The following WDR41 variants were observed in gnomAD, a reference collection of about 807,000 sequenced individuals.
WDR41 encodes WD repeat-containing protein 41.
In WDR41, 63 loss-of-function variants were observed where a neutral mutation model predicts 69.3. The observed-to-expected ratio is 0.91, with a 90% confidence interval of 0.74 to 1.12. WDR41 has a LOEUF of 1.12. WDR41 is among the 50% of genes most tolerant of loss of function. The probability of loss-of-function intolerance (pLI) is 0.00; values close to 1 mark genes in which losing one functional copy is unlikely to be tolerated. For missense variants in WDR41, 543 were observed against 534.5 expected (o/e 1.02, Z -0.16); for synonymous variants, 185 against 192.1 (o/e 0.96, Z 0.31).
chr5:77,613,703 C>A (rs1744613937), intron 1 of WDR41, among the ~76,000 whole-genome samples: 1 of 152,160 alleles, frequency 6.6e-6, no homozygotes, highest in African/African-American at 2.4e-5. Context: ...TAGAAGAAAA[C>A]CTAGGCATTA....
chr5:77,479,309 T>C (rs1801113502), intron 2 of WDR41, among the ~76,000 whole-genome samples: 1 of 151,836 alleles, frequency 6.6e-6, no homozygotes, highest in African/African-American at 2.4e-5. Flanking sequence ...CTTCACAGAA[T>C]TGGAAAAAAC....
intron 2 of WDR41, among the ~76,000 whole-genome samples, chr5:77,474,899 A>T: frequency 6.6e-6 from 1 of 152,104 alleles, no homozygotes; most frequent in Non-Finnish European, 1.5e-5. Flanking sequence ...TTTCCATCTG[A>T]GGTACCGGGT....
intron 1 of WDR41, among the ~76,000 whole-genome samples, chr5:77,617,747 G>T (rs938737174): frequency 2.6e-5 from 4 of 152,132 alleles, no homozygotes; most frequent in South Asian, 4.1e-4. Context: ...GGAGCAACAG[G>T]TTATAAATGG....
At chr5:77,460,826 A>G (rs1800020954) in intron 4 of WDR41, among the ~76,000 whole-genome samples, 1 of 152,178 alleles carries the variant, frequency 6.6e-6, no homozygotes, top group Non-Finnish European at 1.5e-5. Context: ...GCATCACGTC[A>G]GTGCTTAAAA....
intron 1 of WDR41, among the ~76,000 whole-genome samples, chr5:77,512,841 A>G (rs1802231313): frequency 6.6e-6 from 1 of 151,954 alleles, no homozygotes; most frequent in African/African-American, 2.4e-5. Context: ...TCAAATTAAT[A>G]TATAAATGCA....
chr5:77,561,349 C>T (rs7710835), intron 1 of WDR41, among the ~76,000 whole-genome samples: 21,107 of 152,074 alleles, frequency 0.14, 2,113 homozygotes, highest in African/African-American at 0.27. Flanking sequence ...GTTTACTTTG[C>T]TTGGCTATCC....
At chr5:77,453,093 T>A (rs1799688781) in intron 6 of WDR41, among the ~76,000 whole-genome samples, 1 of 152,202 alleles carries the variant, frequency 6.6e-6, no homozygotes, top group African/African-American at 2.4e-5. Flanking sequence ...TTTCTGATAC[T>A]TTAAAATATC....
intron 1 of WDR41, among the ~76,000 whole-genome samples, chr5:77,538,923 T>A (rs1743039264): frequency 6.6e-6 from 1 of 152,216 alleles, no homozygotes; most frequent in South Asian, 2.1e-4. Context: ...TGGGCTACTA[T>A]AACAAATACC....
intron 1 of WDR41, among the ~76,000 whole-genome samples, chr5:77,499,841 T>C (rs1003233182): frequency 6.6e-6 from 1 of 152,122 alleles, no homozygotes; most frequent in African/African-American, 2.4e-5. Context: ...CCGAGACTAA[T>C]TACTAGATGG....
intron 1 of WDR41, among the ~76,000 whole-genome samples, chr5:77,613,973 C>G (rs1470061144): frequency 6.6e-6 from 1 of 152,100 alleles, no homozygotes; most frequent in Non-Finnish European, 1.5e-5. Context: ...ACCCTATCAA[C>G]AAGTGGGTGA....
At chr5:77,553,439 T>C (rs6453320) in intron 1 of WDR41, among the ~76,000 whole-genome samples, 24,532 of 152,100 alleles carry the variant, frequency 0.16, 3,153 homozygotes, top group African/African-American at 0.34. Context: ...ATCCCCCTGA[T>C]TTAATCACTT....
intron 1 of WDR41, among the ~76,000 whole-genome samples, chr5:77,618,914 C>T (rs73127952): frequency 0.028 from 4,226 of 152,178 alleles, 195 homozygotes; most frequent in African/African-American, 0.094. Context: ...AGGTGGTGGG[C>T]ATCCTGTCCA....
In WDR41 at chr5:77,607,836, T is replaced by G. The variant is rs77472156; in HGVS notation, c.42+12643A>C. ...TTGCTGACTTTGTATACATTTTAAG[T>G]TTTCAAATAATTGCCTATATTTATA... On this transcript the variant is annotated intron_variant, in intron 1 of 5. Transcript: ENST00000509971. Among the ~76,000 whole-genome samples the G allele has an allele frequency of 7.2e-5, 11 of 152,372 alleles. No homozygotes were observed. In the East Asian group the frequency reaches 2.1e-3, roughly 29 times the overall value.
chr5:77,517,888 C>A (rs915388654), intron 1 of WDR41, among the ~76,000 whole-genome samples: 3 of 151,980 alleles, frequency 2.0e-5, no homozygotes, highest in African/African-American at 7.2e-5. Flanking sequence ...AAGACATTAG[C>A]AGCTCTTATA....
At chr5:77,489,836 A>C (rs1253425501) in intron 1 of WDR41, among the ~76,000 whole-genome samples, 1 of 152,210 alleles carries the variant, frequency 6.6e-6, no homozygotes, top group Non-Finnish European at 1.5e-5. Flanking sequence ...ATTTACAAAA[A>C]GGGTGAATTT....
intron 12 of WDR41, 146 bp downstream of exon 12, chr5:77,436,115 T>C: frequency 9.4e-7 from 1 of 1,060,518 alleles, no homozygotes; most frequent in Middle Eastern, 2.4e-4. Flanking sequence ...GCACATACTA[T>C]AGCCTATCCC....
At chr5:77,570,519 A>G (rs1314092556) in intron 1 of WDR41, among the ~76,000 whole-genome samples, 3 of 147,072 alleles carry the variant, frequency 2.0e-5, no homozygotes, top group African/African-American at 7.6e-5. Context: ...AGTATGTCCT[A>G]CATCACAGAT....
chr5:77,492,376 T>C (rs1801847680), upstream of WDR41: 9 of 939,214 alleles, frequency 9.6e-6, no homozygotes, highest in South Asian at 9.5e-5. Context: ...CAGACCACAG[T>C]TGAGGGAGAA....
intron 1 of WDR41, among the ~76,000 whole-genome samples, chr5:77,577,264 A>G (rs1169903922): frequency 6.6e-6 from 1 of 152,086 alleles, no homozygotes; most frequent in Non-Finnish European, 1.5e-5. Flanking sequence ...CACAATGTAA[A>G]AAAGATTTCC....
Sources: gnomAD v4.1 joint callset for allele counts (sites outside exome capture counted in the v4.1 genomes callset) on GRCh38, gnomAD v4.1.1 for gene constraint, MANE v1.5 for transcripts, NCBI Gene and HGNC (gene_info 2026-07-23, HGNC 2026-07-21) for gene names.